Variants in ADAMTS9 observed in about 807,000 individuals in gnomAD.
ADAMTS9 encodes the protein ADAM metallopeptidase with thrombospondin type 1 motif 9, also known as A disintegrin and metalloproteinase with thrombospondin motifs 9.
In ADAMTS9, 107 loss-of-function variants were observed where a neutral mutation model predicts 257.1. The observed-to-expected ratio is 0.42, with a 90% CI of 0.36 to 0.49. The LOEUF is 0.49. ADAMTS9 is among the 20% of genes least tolerant of loss of function. ADAMTS9 has a pLI of 0.03. For missense variants in ADAMTS9, 2,353 were observed against 2,469.1 expected (o/e 0.95, Z 1.00); for synonymous variants, 982 against 880.9 (o/e 1.11, Z -2.03).
At chr3:64,631,200 G>C (rs965943809) in intron 16 of ADAMTS9, among the ~76,000 whole-genome samples, 1 of 152,188 alleles carries the variant, frequency 6.6e-6, no homozygotes, top group African/African-American at 2.4e-5. Flanking sequence ...AATTTGACTT[G>C]GGGCCTTTCT....
In ADAMTS9 at chr3:64,649,635, A is replaced by G. The variant is rs1459960422; in HGVS notation, c.1605+2T>C. 1.9e-6 allele frequency: 3 copies of G among 1,611,916 alleles called. No individual in the cohort carries two copies. Among genetic ancestry groups the G allele is most frequent in the Non-Finnish European group, 2.5e-6 (3 of 1,178,964 alleles). On this transcript the variant is annotated splice_donor_variant, in intron 10 of 39. Transcript: ENST00000498707. LOFTEE classifies it high-confidence loss of function. ...GGGCAGAAGTGGCCCTCCTACACTTACCATATATGGGCACACCTGAGAACC... is the reference window on the plus strand; with the variant it reads ...GGGCAGAAGTGGCCCTCCTACACTTGCCATATATGGGCACACCTGAGAACC...
chr3:64,599,945 T>A (rs988613962), intron 26 of ADAMTS9, among the ~76,000 whole-genome samples: 8 of 152,086 alleles, frequency 5.3e-5, no homozygotes, highest in African/African-American at 1.9e-4. Flanking sequence ...CAGACAAAAC[T>A]TGCCAGCCCC....
chr3:64,598,615 T>C (rs1244054629), intron 26 of ADAMTS9, among the ~76,000 whole-genome samples: 1 of 152,124 alleles, frequency 6.6e-6, no homozygotes, highest in Non-Finnish European at 1.5e-5. Flanking sequence ...CCACCATGCC[T>C]GGCCTTACTT....
chr3:64,686,597 T>A lies in ADAMTS9; in HGVS notation c.487A>T (p.Thr163Ser). ...CCTGAGCAGAGGCTGATGACGGCCG[T>A]GTGCTCGGAGTTGGTATTGACATAG... ...KGYVNTNSEH[T>S]AVISLCSGML... The change falls in exon 2 of 40, where the codon ACG becomes TCG. Residue 163 changes from threonine (T) to serine (S), a missense_variant. Thr to Ser is a moderately conservative substitution (Grantham distance 58). Around this residue, in one of 3 missense-constraint regions of ADAMTS9, gnomAD observed 591 missense variants for 569.6 expected, o/e 1.04. Transcript: ENST00000498707. The surrounding 1 kb of genome is among the most constrained non-coding windows in gnomAD (Gnocchi z 4.6). 1 of 1,612,822 alleles carries A rather than the reference T, an allele frequency of 6.2e-7. No homozygotes were observed. Among genetic ancestry groups the A allele is most frequent in the Non-Finnish European group, 8.5e-7 (1 of 1,179,544 alleles).
chr3:64,679,568 T>G (rs1701703062), intron 3 of ADAMTS9, among the ~76,000 whole-genome samples: 1 of 152,216 alleles, frequency 6.6e-6, no homozygotes, highest in Admixed American at 6.5e-5. Flanking sequence ...AATGTTGACC[T>G]GTAGCCGCTT....
chr3:64,649,518 T>C, intron 10 of ADAMTS9, 119 bp downstream of exon 10: 1 of 1,223,330 alleles, frequency 8.2e-7, no homozygotes, highest in Non-Finnish European at 1.1e-6. Context: ...TAATATGCAA[T>C]TTTACTCTCA....
At chr3:64,604,851 T>A (rs1199391970) in intron 23 of ADAMTS9, among the ~76,000 whole-genome samples, 1 of 152,230 alleles carries the variant, frequency 6.6e-6, no homozygotes, top group Non-Finnish European at 1.5e-5. Context: ...GGACTTCATA[T>A]AACACCCCTC....
rs944163005 is a variant in ADAMTS9, at chr3:64,610,529, G to A, written c.3354+2816C>T. Among the ~76,000 whole-genome samples, 15 of 152,014 alleles carry A rather than the reference G, an allele frequency of 9.9e-5. No individual in the cohort carries two copies. In the East Asian group the frequency reaches 2.9e-3, roughly 29 times the overall value. ...TATTTTTTTTTAAAAAATTGGCAAA[G>A]AAGTTGAATAGACACTTCTCCAAGG... is the stretch of plus-strand genomic sequence containing the variant. On this transcript the variant is annotated intron_variant, in intron 22 of 39. Transcript: ENST00000498707.
intron 30 of ADAMTS9, among the ~76,000 whole-genome samples, chr3:64,559,639 G>A (rs1265390262): frequency 6.6e-6 from 1 of 152,158 alleles, no homozygotes; most frequent in East Asian, 1.9e-4. Context: ...TTTGAGTAAG[G>A]TTTAAAAAAG....
chr3:64,662,952 C>T lies in ADAMTS9; in HGVS notation c.680-4161G>A, dbSNP rs553931784. Reference sequence around the variant, plus strand: ...ACTATGGAATAAAATTGCCTTCAGCCGATGTGTATGAGGTGTATATGAAAG... The same window carrying T: ...ACTATGGAATAAAATTGCCTTCAGCTGATGTGTATGAGGTGTATATGAAAG... On this transcript the variant is annotated intron_variant, in intron 3 of 39. Transcript: ENST00000498707. 1.1e-3 allele frequency among the ~76,000 whole-genome samples: 162 copies of T among 152,056 alleles called. 2 individuals carry two copies. The highest frequency in any genetic ancestry group is 1.8e-3 in the Non-Finnish European group (120 of 67,938).
rs1012015143 is a variant in ADAMTS9 at position 64,687,493 on chromosome 3, G to A, written c.115+50C>T. ...GTGCCCCTGCCCAGGAGCGAGGACC[G>A]GGAGGCGGCGTCGGGGCCGGCGGGG... On this transcript the variant is annotated intron_variant, in intron 1 of 39. Coordinates refer to ENST00000498707, the MANE Select transcript of ADAMTS9 (RefSeq NM_182920.2). This position sits in a 1 kb window ranked among gnomAD's most constrained non-coding sequence, Gnocchi z 4.4. 7 of 1,424,376 alleles carry A rather than the reference G, an allele frequency of 4.9e-6. No individual in the cohort carries two copies. Among genetic ancestry groups the A allele is most frequent in the South Asian group, 1.4e-5 (1 of 72,896 alleles). The allele number at this position is 1,424,376 out of a possible 1,614,324, so 88.2% of individuals were successfully genotyped here.
chr3:64,639,843 A>G (rs1465204454), intron 12 of ADAMTS9, among the ~76,000 whole-genome samples: 4 of 152,314 alleles, frequency 2.6e-5, no homozygotes, highest in Middle Eastern at 3.4e-3. Context: ...CTTCTTTTAT[A>G]TTATATGATA....
intron 29 of ADAMTS9, among the ~76,000 whole-genome samples, chr3:64,564,533 T>G (rs1273425358): frequency 1.3e-5 from 2 of 152,158 alleles, no homozygotes; most frequent in Non-Finnish European, 2.9e-5. Context: ...TACTAAACAC[T>G]TACTATATGC....
chr3:64,674,224 G>A (rs1231760691), intron 3 of ADAMTS9, among the ~76,000 whole-genome samples: 3 of 151,998 alleles, frequency 2.0e-5, no homozygotes, highest in Non-Finnish European at 4.4e-5. Flanking sequence ...AGAGGTCATT[G>A]CTTATATTGA....
chr3:64,624,630 C>G (rs960195952), intron 16 of ADAMTS9, among the ~76,000 whole-genome samples: 8 of 152,164 alleles, frequency 5.3e-5, no homozygotes, highest in Non-Finnish European at 8.8e-5. Flanking sequence ...TCAGATTTCA[C>G]TGTTAAATCC....
intron 30 of ADAMTS9, among the ~76,000 whole-genome samples, chr3:64,552,341 C>A (rs1451189731): frequency 6.6e-6 from 1 of 152,120 alleles, no homozygotes; most frequent in Non-Finnish European, 1.5e-5. Flanking sequence ...TGAAGTTTAT[C>A]CTTAGTGCCC....
intron 28 of ADAMTS9, among the ~76,000 whole-genome samples, chr3:64,584,867 C>A (rs931344428): frequency 6.6e-6 from 1 of 152,132 alleles, no homozygotes; most frequent in African/African-American, 2.4e-5. Context: ...AAATCAAGGA[C>A]ACTCTTTTAT....
chr3:64,637,689 A>T (rs982111080), intron 12 of ADAMTS9, among the ~76,000 whole-genome samples: 7 of 152,236 alleles, frequency 4.6e-5, no homozygotes, highest in Non-Finnish European at 1.0e-4. Context: ...ATTTCTAAAG[A>T]TACAACAGGC....
At chr3:64,639,600 ATC>A (rs1700589496) in intron 12 of ADAMTS9, among the ~76,000 whole-genome samples, 2 of 152,192 alleles carry the variant, frequency 1.3e-5, no homozygotes, top group African/African-American at 4.8e-5. Flanking sequence ...TGAATGGAAT[ATC>A]CTTGAGTCAA....
Sources: allele counts gnomAD v4.1 joint callset (sites outside exome capture counted in the v4.1 genomes callset), GRCh38; gene constraint gnomAD v4.1.1; regional missense constraint gnomAD v4.1.1; non-coding constraint Gnocchi (gnomAD v3.1); transcripts MANE v1.5; gene names NCBI Gene and HGNC (gene_info 2026-07-23, HGNC 2026-07-21).